The following AP4B1 variants were observed in gnomAD, a reference collection of about 807,000 sequenced individuals.
AP4B1 encodes AP-4 complex subunit beta-1.
A neutral mutation model predicts 76.5 loss-of-function variants in AP4B1; 49 were observed. That is an observed-to-expected ratio of 0.64 (90% CI 0.51 to 0.81). The LOEUF (loss-of-function observed/expected upper bound fraction) is 0.81, where lower values mean the gene tolerates loss of function less well. Among genes scored for constraint, AP4B1 ranks in the 40% least tolerant of loss-of-function variants. The pLI, the probability that AP4B1 is intolerant of heterozygous loss-of-function variation, is 0.00. For synonymous variants in AP4B1, 330 were observed against 333.3 expected, an observed-to-expected ratio of 0.99 and a Z score of 0.11; for missense variants, 911 against 904.9, an observed-to-expected ratio of 1.01 and a Z score of -0.09.
At position 113,895,374 on chromosome 1, in the gene AP4B1, G is replaced by A. The variant is rs764365949; in HGVS notation, c.1911C>T (p.Ser637=). ...TADYFEKTWL[S]LKVAHQQVLP... Reference sequence around the variant, plus strand: ...ACACTTGCTGATGAGCAACTTTAAGGCTAAGCCAAGTTTTCTCAAAATAAT... The same window carrying A: ...ACACTTGCTGATGAGCAACTTTAAGACTAAGCCAAGTTTTCTCAAAATAAT... Residue 637 remains serine, a synonymous_variant, in exon 10 of 10, where the codon AGC becomes AGT. Coordinates refer to ENST00000369569, the MANE Select transcript of AP4B1 (RefSeq NM_001253852.3). 4 of 1,614,202 alleles carry A rather than the reference G, an allele frequency of 2.5e-6. No homozygotes were observed. Among genetic ancestry groups the A allele is most frequent in the Non-Finnish European group, 3.4e-6 (4 of 1,180,050 alleles).
At chr1:113,897,142 C>CAA (rs5777170) in intron 7 of AP4B1, 19,345 of 114,998 alleles carry the variant, frequency 0.17, 2,035 homozygotes, top group Non-Finnish European at 0.21. Flanking sequence ...GACTCTGTTT[C>CAA]AAAAAAAAAA....
rs201876159 is a variant in AP4B1 at position 113,895,417 on chromosome 1, T to C, written c.1868A>G (p.Asn623Ser). 125 of 1,614,194 alleles carry C rather than the reference T, an allele frequency of 7.7e-5. No individual in the cohort carries two copies. The highest frequency in any genetic ancestry group is 1.7e-4 in the Admixed American group (10 of 60,018). The change falls in exon 10 of 10, where the codon AAT becomes AGT. Residue 623 changes from asparagine (N) to serine (S), a missense_variant. Transcript: ENST00000369569. Reference protein sequence around the residue: ...PDSGALMLVPNRQLTADYFEK... With the variant: ...PDSGALMLVPSRQLTADYFEK... ...AAAATAATCAGCAGTAAGCTGGCGATTGGGGACTAGCATGAGGGCTCCAGA... is the reference window on the plus strand; with the variant it reads ...AAAATAATCAGCAGTAAGCTGGCGACTGGGGACTAGCATGAGGGCTCCAGA...
In AP4B1 at chr1:113,897,912, C is replaced by T. The variant is rs1453158367; in HGVS notation, c.1230G>A (p.Trp410Ter). 1 of 1,613,988 alleles carries T rather than the reference C, an allele frequency of 6.2e-7. No homozygotes were observed. Among genetic ancestry groups the T allele is most frequent in the Non-Finnish European group, 8.5e-7 (1 of 1,180,036 alleles). The change falls in exon 7 of 10, where the codon TGG (tryptophan) becomes TGA (stop). Residue 410 changes from tryptophan (W) to a stop codon, truncating the protein, a stop_gained. Coordinates refer to ENST00000369569, the MANE Select transcript of AP4B1 (RefSeq NM_001253852.3). LOFTEE classifies it high-confidence loss of function. The stretch of plus-strand genomic sequence containing the variant: ...CAGCTTCAGTACACTGAGGACACAA[C>T]CAAACCAGGTCTCGGAAAGTCTGCA... ...VVVQTFRDLV[W>*]LCPQCTEAVC...
Position 113,901,691 on chromosome 1 carries a change from C to A in AP4B1, c.469+64G>T, listed in dbSNP as rs1414232791. ...ATTATTATTTTCTACCAAAGCCACA[C>A]AATCTTTTTTAAAGTTATACATAAT... On this transcript the variant is annotated intron_variant, in intron 3 of 9. Coordinates refer to ENST00000369569, the MANE Select transcript of AP4B1 (RefSeq NM_001253852.3). 15 of 1,603,840 alleles carry A rather than the reference C, an allele frequency of 9.4e-6. No individual in the cohort carries two copies. In the East Asian group the frequency reaches 3.1e-4, roughly 33 times the overall value.
At chr1:113,896,200 C>G (rs1471921365) in intron 8 of AP4B1, 58 bp downstream of exon 8, 2 of 1,606,600 alleles carry the variant, frequency 1.2e-6, no homozygotes, top group African/African-American at 2.7e-5. Flanking sequence ...ACAATGAAAG[C>G]TATTAAGAAT....
At position 113,899,075 on chromosome 1, in the gene AP4B1, G is replaced by A. The variant is rs1428615418; in HGVS notation, c.1115-274C>T. ...AAGGTTGAAAACTTATAGTAACAAA[G>A]GTATTTACATGGCAGCCAGATATGA... On this transcript the variant is annotated intron_variant, in intron 5 of 9. Coordinates refer to ENST00000369569, the MANE Select transcript of AP4B1 (RefSeq NM_001253852.3). 3 of 1,249,880 alleles carry A rather than the reference G, an allele frequency of 2.4e-6. No individual in the cohort carries two copies. The African/African-American group carries it at 4.7e-5, about 19-fold the overall frequency. 77.4% of individuals were successfully genotyped at this position (1,249,880 alleles called of 1,614,324 possible).
chr1:113,902,912 A>T (rs373260113), intron 1 of AP4B1, 50 bp from the exon 2 acceptor site: 1 of 1,545,236 alleles, frequency 6.5e-7, no homozygotes. Context: ...TCCCCAACTT[A>T]CAATGGAGGG....
Position 113,902,769 on chromosome 1 carries a change from A to G in AP4B1, c.207T>C (p.Tyr69=), listed in dbSNP as rs1408346834. The G allele has an allele frequency of 7.4e-6, 12 of 1,614,134 alleles. No individual in the cohort carries two copies. Among genetic ancestry groups the G allele is most frequent in the Non-Finnish European group, 1.0e-5 (12 of 1,180,046 alleles). The change falls in exon 2 of 10, where the codon TAT becomes TAC. Residue 69 remains tyrosine, a synonymous_variant. Transcript: ENST00000369569. The part of the protein sequence containing the change: ...TVDIVQKKLV[Y]LYMCTYAPLK... Reference sequence around the variant, plus strand: ...GGGGAGCATATGTGCACATGTACAGATAAACCAACTTCTTCTGGACAATAT... The same window carrying G: ...GGGGAGCATATGTGCACATGTACAGGTAAACCAACTTCTTCTGGACAATAT...
rs773505088 is a variant in AP4B1 at position 113,900,224 on chromosome 1, A to G, written c.794T>C (p.Met265Thr). The change falls in exon 5 of 10, where the codon ATG becomes ACG. Residue 265 changes from methionine to threonine, a missense_variant. Coordinates refer to ENST00000369569, the MANE Select transcript of AP4B1 (RefSeq NM_001253852.3). ...ATKLFLILAK[M>T]FPHVQTDVLV... ...GACATCAGTTTGTACGTGGGGAAACATTTTTGCCAAGATCAGAAAAAGTTT... is the reference window on the plus strand; with the variant it reads ...GACATCAGTTTGTACGTGGGGAAACGTTTTTGCCAAGATCAGAAAAAGTTT... The G allele has an allele frequency of 6.2e-7, 1 of 1,609,400 alleles. No individual in the cohort carries two copies. The highest frequency in any genetic ancestry group is 1.1e-5 in the South Asian group (1 of 90,792).
chr1:113,904,624 C>G lies in AP4B1; in HGVS notation c.94G>C (p.Val32Leu). Residue 32 changes from valine to leucine, a missense_variant, in exon 1 of 10, where the codon GTC becomes CTC. Val to Leu is a conservative substitution (Grantham distance 32). Transcript: ENST00000369569. ...IQADRLRYRN[V>L]IQRVIRYMTQ... is the part of the protein sequence containing the mutation. ...TGATACCTAATCACTCGCTGGATGA[C>G]ATTCCGGTAGCGCAGCCTATCAGCT... 6.2e-7 allele frequency: 1 copy of G among 1,613,922 alleles called. No homozygotes were observed. Among genetic ancestry groups the G allele is most frequent in the Non-Finnish European group, 8.5e-7 (1 of 1,179,984 alleles).
chr1:113,899,754 C>T (rs1667970302), intron 5 of AP4B1, 150 bp downstream of exon 5: 11 of 1,269,910 alleles, frequency 8.7e-6, no homozygotes, highest in South Asian at 3.9e-5. Context: ...TCTCTTCCCC[C>T]GTGTTTGTAG....
upstream of AP4B1, chr1:113,904,947 G>A: frequency 2.0e-6 from 1 of 506,630 alleles, no homozygotes; most frequent in Non-Finnish European, 3.6e-6. Flanking sequence ...CCTACCGTCG[G>A]CCGGCAGGCC....
chr1:113,904,544 A>G, intron 1 of AP4B1, 61 bp downstream of exon 1: 1 of 1,468,184 alleles, frequency 6.8e-7, no homozygotes, highest in Non-Finnish European at 9.5e-7. Context: ...GACTGGGGCT[A>G]GTGAGCCCTG....
Position 113,895,182 on chromosome 1 carries a change from A to G in AP4B1, c.2103T>C (p.Pro701=), listed in dbSNP as rs1667308661. The stretch of plus-strand genomic sequence containing the variant: ...CAGAGATCTGCATTTCTGAGTTTCC[A>G]GGCTCCAATAGCAGTTCTGTTAAGA... ...CLFLTELLLE[P]GNSEMQISVK... is the part of the protein sequence containing the mutation. The change falls in exon 10 of 10, where the codon CCT becomes CCC. Residue 701 remains proline, a synonymous_variant. Transcript: ENST00000369569. The G allele has an allele frequency of 6.2e-7, 1 of 1,614,040 alleles. No homozygotes were observed. The highest frequency in any genetic ancestry group is 8.5e-7 in the Non-Finnish European group (1 of 1,180,040).
rs1421349169 is a variant in AP4B1, at chr1:113,895,368, T to C, written c.1917A>G (p.Lys639=). The C allele has an allele frequency of 6.2e-7, 1 of 1,614,210 alleles. No homozygotes were observed. Residue 639 remains lysine (K), a synonymous_variant, in exon 10 of 10, where the codon AAA becomes AAG. Transcript: ENST00000369569. ...AAGGCAACACTTGCTGATGAGCAAC[T>C]TTAAGGCTAAGCCAAGTTTTCTCAA... The part of the protein sequence containing the change: ...DYFEKTWLSL[K]VAHQQVLPWR...
At position 113,895,294 on chromosome 1, in the gene AP4B1, A is replaced by G. The variant is rs768476518; in HGVS notation, c.1991T>C (p.Val664Ala). ...ACTCATTGCGATGGTCTGGATGTTCACTACTTGAAGAGCCATCTGGAGGGT... is the reference window on the plus strand; with the variant it reads ...ACTCATTGCGATGGTCTGGATGTTCGCTACTTGAAGAGCCATCTGGAGGGT... ...PDTLQMALQVVNIQTIAMSRA... is the reference protein window; with the variant it reads ...PDTLQMALQVANIQTIAMSRA... Residue 664 changes from valine (V) to alanine (A), a missense_variant, in exon 10 of 10, where the codon GTG becomes GCG. Coordinates refer to ENST00000369569, the MANE Select transcript of AP4B1 (RefSeq NM_001253852.3). 6.2e-7 allele frequency: 1 copy of G among 1,614,096 alleles called. No homozygotes were observed. The highest frequency in any genetic ancestry group is 8.5e-7 in the Non-Finnish European group (1 of 1,180,040).
In AP4B1 at chr1:113,895,423, ACTAGC is replaced by A; in HGVS notation, c.1857_1861del (p.Met619IlefsTer9). The A allele has an allele frequency of 6.2e-7, 1 of 1,614,196 alleles. No homozygotes were observed. Among genetic ancestry groups the A allele is most frequent in the East Asian group, 2.2e-5 (1 of 44,886 alleles). ...ATCAGCAGTAAGCTGGCGATTGGGG[ACTAGC>A]ATGAGGGCTCCAGAATCAGGGAGTT... On this transcript the variant is annotated frameshift_variant, in exon 10 of 10. Transcript: ENST00000369569. LOFTEE classifies it high-confidence loss of function.
At chr1:113,900,946 A>G in intron 4 of AP4B1, 1 of 383,708 alleles carries the variant, frequency 2.6e-6, no homozygotes, top group South Asian at 2.3e-5. Flanking sequence ...TGTCTCTACT[A>G]AAAATACAAA....
At chr1:113,896,686 A>C in intron 7 of AP4B1, 2 of 598,248 alleles carry the variant, frequency 3.3e-6, no homozygotes, top group South Asian at 4.1e-5. Context: ...TTCATAGCCT[A>C]TGTTGGATTA....
Sources: gnomAD v4.1 joint callset for allele counts on GRCh38, gnomAD v4.1.1 for gene constraint, MANE v1.5 for transcripts, NCBI Gene and HGNC (gene_info 2026-07-23, HGNC 2026-07-21) for gene names.